EGFR: variants seen among roughly 807,000 people sequenced by gnomAD.
The protein encoded by EGFR is avian erythroblastic leukemia viral (v-erb-b) oncogene homolog.
In EGFR, 58 loss-of-function variants were observed where a neutral mutation model predicts 143.0. That is an observed-to-expected ratio of 0.41 (90% CI 0.33 to 0.50). EGFR has a LOEUF of 0.50. Among genes scored for constraint, EGFR ranks in the 20% least tolerant of loss-of-function variants. The probability of loss-of-function intolerance (pLI) is 0.39; values close to 1 mark genes in which losing one functional copy is unlikely to be tolerated. For synonymous variants in EGFR, 613 were observed against 594.4 expected (o/e 1.03, Z -0.45); for missense variants, 1,307 against 1,579.0 (o/e 0.83, Z 2.92).
At chr7:55,134,805 C>T (rs544233760) in intron 1 of EGFR, among the ~76,000 whole-genome samples, 1 of 152,298 alleles carries the variant, frequency 6.6e-6, no homozygotes, top group Non-Finnish European at 1.5e-5. Context: ...CCATGTGAAG[C>T]CTCAGTGTCA....
At chr7:55,180,139 C>G (rs1205559307) in intron 19 of EGFR, 1 of 152,318 alleles carries the variant, frequency 6.6e-6, no homozygotes, top group African/African-American at 2.4e-5. Context: ...AGTGTGTTCA[C>G]TTCTGCAGAG....
intron 7 of EGFR, 44 bp downstream of exon 7, chr7:55,154,196 G>C (rs2128935304): frequency 6.2e-7 from 1 of 1,613,896 alleles, no homozygotes; most frequent in Non-Finnish European, 8.5e-7. Context: ...AGGCATCCTT[G>C]TCCCGCTCTG....
chr7:55,165,546 C>A, intron 15 of EGFR, 109 bp downstream of exon 15: 2 of 1,448,314 alleles, frequency 1.4e-6, no homozygotes, highest in Non-Finnish European at 1.8e-6. Context: ...GTATTTGAGT[C>A]AGTTACTTAA....
chr7:55,083,346 A>C (rs891827215), intron 1 of EGFR, among the ~76,000 whole-genome samples: 3 of 152,216 alleles, frequency 2.0e-5, no homozygotes, highest in Non-Finnish European at 4.4e-5. Context: ...GGTATTCTTT[A>C]GACAATAACT....
intron 7 of EGFR, 99 bp downstream of exon 7, chr7:55,154,251 G>A (rs1785300324): frequency 1.3e-6 from 2 of 1,579,678 alleles, no homozygotes; most frequent in Admixed American, 3.4e-5. Context: ...GAGTCTTTGG[G>A]TGGATGTGTT....
intron 1 of EGFR, among the ~76,000 whole-genome samples, chr7:55,087,848 C>T (rs1790858086): frequency 1.3e-5 from 2 of 152,114 alleles, no homozygotes; most frequent in African/African-American, 4.8e-5. Flanking sequence ...GCCTTCCCAC[C>T]CTCCCTCGTC....
chr7:55,097,612 A>G lies in EGFR; in HGVS notation c.89-44674A>G, dbSNP rs1791556843. On this transcript the variant is annotated intron_variant, in intron 1 of 27. Transcript: ENST00000275493. ...GAAAACATTTTGTCTCATTTGTGCAATTTCTCCTTCTAAATATACGTGTCA... is the reference window on the plus strand; with the variant it reads ...GAAAACATTTTGTCTCATTTGTGCAGTTTCTCCTTCTAAATATACGTGTCA... Among the ~76,000 whole-genome samples, 3 of 152,088 alleles carry G rather than the reference A, an allele frequency of 2.0e-5. No individual in the cohort carries two copies. The South Asian group carries it at 6.2e-4, about 31-fold the overall frequency.
At chr7:55,139,563 C>T (rs558004492) in intron 1 of EGFR, among the ~76,000 whole-genome samples, 1 of 152,232 alleles carries the variant, frequency 6.6e-6, no homozygotes, top group East Asian at 1.9e-4. Context: ...TATGTGTTTT[C>T]TTTTGATACT....
rs916007864 is a variant in EGFR at position 55,209,544 on chromosome 7, A to G, written c.*3927A>G. 5 of 152,242 alleles carry G rather than the reference A, an allele frequency of 3.3e-5. No individual in the cohort carries two copies. The highest frequency in any genetic ancestry group is 4.8e-5 in the African/African-American group (2 of 41,532). 9.4% of individuals were successfully genotyped at this position (152,242 alleles called of 1,614,324 possible). On this transcript the variant is annotated 3_prime_UTR_variant, in exon 28 of 28. Transcript: ENST00000275493. ...GCAACACCTGTTGAAATTGCCCTCAATGTCTACTCTGCATTTCTTTCTTGT... is the reference window on the plus strand; with the variant it reads ...GCAACACCTGTTGAAATTGCCCTCAGTGTCTACTCTGCATTTCTTTCTTGT...
intron 1 of EGFR, among the ~76,000 whole-genome samples, chr7:55,126,944 C>G (rs1012168867): frequency 6.6e-6 from 1 of 152,076 alleles, no homozygotes; most frequent in Non-Finnish European, 1.5e-5. Flanking sequence ...AAACCAAACA[C>G]CCCCGCTTAA....
intron 1 of EGFR, among the ~76,000 whole-genome samples, chr7:55,100,419 C>A (rs1791741227): frequency 6.6e-6 from 1 of 152,250 alleles, no homozygotes; most frequent in East Asian, 1.9e-4. Context: ...ATCTCAAAAA[C>A]ATGGTTCTTG....
intron 1 of EGFR, among the ~76,000 whole-genome samples, chr7:55,127,402 A>AG (rs947365585): frequency 1.9e-4 from 29 of 152,206 alleles, no homozygotes; most frequent in Middle Eastern, 6.8e-3. Flanking sequence ...GTGTTACCAC[A>AG]TTTTCCAAGT....
intron 16 of EGFR, 23 bp from the exon 17 acceptor site, chr7:55,172,960 C>T (rs747386017): frequency 6.2e-7 from 1 of 1,614,194 alleles, no homozygotes; most frequent in South Asian, 1.1e-5. Context: ...CTCACCCTTC[C>T]TTGTTCCTCC....
intron 1 of EGFR, among the ~76,000 whole-genome samples, chr7:55,037,163 G>T (rs1787632830): frequency 2.0e-5 from 3 of 152,208 alleles, no homozygotes. Flanking sequence ...TATTTTAATA[G>T]ATTGGTATAA....
At chr7:55,082,068 G>T (rs55713247) in intron 1 of EGFR, among the ~76,000 whole-genome samples, 1 of 152,152 alleles carries the variant, frequency 6.6e-6, no homozygotes, top group East Asian at 1.9e-4. Flanking sequence ...CAGGCTGGGT[G>T]GTGTCCCACA....
intron 1 of EGFR, among the ~76,000 whole-genome samples, chr7:55,080,395 T>C (rs1157683110): frequency 6.6e-6 from 1 of 150,804 alleles, no homozygotes; most frequent in Non-Finnish European, 1.5e-5. Context: ...GGAAATCCTG[T>C]CATTTGCATA....
intron 1 of EGFR, among the ~76,000 whole-genome samples, chr7:55,037,827 T>TA (rs1294200842): frequency 6.6e-6 from 1 of 152,200 alleles, no homozygotes; most frequent in Non-Finnish European, 1.5e-5. Context: ...TTTTTCTGAT[T>TA]AAAAAACTTA....
intron 22 of EGFR, among the ~76,000 whole-genome samples, chr7:55,193,070 G>A (rs1241109337): frequency 1.7e-4 from 26 of 152,214 alleles, no homozygotes; most frequent in African/African-American, 6.0e-4. Flanking sequence ...TCGTCTGGCA[G>A]GGTGGGGGGT....
At chr7:55,121,960 A>T (rs978879193) in intron 1 of EGFR, among the ~76,000 whole-genome samples, 3 of 152,184 alleles carry the variant, frequency 2.0e-5, no homozygotes, top group African/African-American at 7.2e-5. Flanking sequence ...TCTCTCTTTA[A>T]TCCGCATTAG....
Sources: gnomAD v4.1 joint callset for allele counts (sites outside exome capture counted in the v4.1 genomes callset) on GRCh38, gnomAD v4.1.1 for gene constraint, MANE v1.5 for transcripts, NCBI Gene and HGNC (gene_info 2026-07-23, HGNC 2026-07-21) for gene names.